The following ITGB1 variants were observed in gnomAD, a reference collection of about 807,000 sequenced individuals.
ITGB1 encodes the protein integrin subunit beta 1.
Under a neutral mutation model 86.5 loss-of-function variants are expected in ITGB1, and 24 were observed. The ratio of observed to expected loss-of-function variants is 0.28; its 90% CI spans 0.20 to 0.39. The LOEUF (loss-of-function observed/expected upper bound fraction) is 0.39, where lower values mean the gene tolerates loss of function less well. Ranked by LOEUF, ITGB1 falls within the 10% of genes least tolerant of loss-of-function variation. The probability of loss-of-function intolerance (pLI) is 1.00; values close to 1 mark genes in which losing one functional copy is unlikely to be tolerated. For synonymous variants in ITGB1, 323 were observed against 316.8 expected (o/e 1.02, Z -0.21); for missense variants, 556 against 946.9 (o/e 0.59, Z 5.42).
At chr10:32,943,865 C>A (rs536478587) in intron 1 of ITGB1, among the ~76,000 whole-genome samples, 2 of 152,170 alleles carry the variant, frequency 1.3e-5, no homozygotes, top group Non-Finnish European at 2.9e-5. Flanking sequence ...ATACTGAGTA[C>A]CTGGGGGCTT....
intron 11 of ITGB1, among the ~76,000 whole-genome samples, chr10:32,914,129 C>T (rs1404151384): frequency 2.0e-5 from 3 of 152,132 alleles, no homozygotes; most frequent in Non-Finnish European, 1.5e-5. Flanking sequence ...GATTGTGTCA[C>T]CACCAGGCCT....
Position 32,923,613 on chromosome 10 carries a change from T to A in ITGB1, c.914A>T (p.Asn305Ile). 6.2e-7 allele frequency: 1 copy of A among 1,613,702 alleles called. No homozygotes were observed. The highest frequency in any genetic ancestry group is 1.1e-5 in the South Asian group (1 of 91,026). Residue 305 changes from asparagine to isoleucine, a missense_variant, in exon 7 of 16, where the codon AAT becomes ATT. This residue lies in a region of ITGB1 where 330 missense variants were observed against 531.5 expected (regional missense o/e 0.62). Coordinates refer to ENST00000302278, the MANE Select transcript of ITGB1 (RefSeq NM_002211.4). The stretch of plus-strand genomic sequence containing the variant: ...ATAATGGCTCATTGTGTACATATTA[T>A]TTTCCAGGTGACATTGTCCATCATT... ...LPNDGQCHLE[N>I]NMYTMSHYYD...
Position 32,921,475 on chromosome 10 carries a change from C to G in ITGB1, c.1128+782G>C, listed in dbSNP as rs73251129. On this transcript the variant is annotated intron_variant, in intron 9 of 15. Transcript: ENST00000302278. ...CCTTTCCAAAGCGTTATGGTACCCCCATGACATGAAGTAAAAATGTCTAAA... is the reference window on the plus strand; with the variant it reads ...CCTTTCCAAAGCGTTATGGTACCCCGATGACATGAAGTAAAAATGTCTAAA... Among the ~76,000 whole-genome samples the G allele has an allele frequency of 9.8e-3, 1,496 of 152,222 alleles. 39 individuals carry two copies. Among genetic ancestry groups the G allele is most frequent in the African/African-American group, 0.034 (1,414 of 41,526 alleles).
chr10:32,905,723 A>C (rs961963167), intron 15 of ITGB1, among the ~76,000 whole-genome samples: 2 of 152,234 alleles, frequency 1.3e-5, no homozygotes, highest in Non-Finnish European at 2.9e-5. Context: ...CACTATGAAG[A>C]TTAAACACAG....
intron 1 of ITGB1, among the ~76,000 whole-genome samples, chr10:32,956,866 GCATCTA>G (rs1366739144): frequency 6.6e-6 from 1 of 152,144 alleles, no homozygotes; most frequent in Non-Finnish European, 1.5e-5. Context: ...TACTCATTGA[GCATCTA>G]CTCTCAAGCT....
chr10:32,916,224 G>A (rs1458470888), intron 11 of ITGB1, among the ~76,000 whole-genome samples: 1 of 152,142 alleles, frequency 6.6e-6, no homozygotes, highest in African/African-American at 2.4e-5. Context: ...GGCAAAAACT[G>A]GAAGCATTCC....
chr10:32,915,701 CCAGACGGATT>C (rs1324476965), intron 11 of ITGB1, among the ~76,000 whole-genome samples: 1 of 152,100 alleles, frequency 6.6e-6, no homozygotes, highest in Non-Finnish European at 1.5e-5. Flanking sequence ...AAGTCCAAGA[CCAGACGGATT>C]CACAGCCGAA....
At chr10:32,919,698 G>A (rs757690170) in intron 11 of ITGB1, among the ~76,000 whole-genome samples, 187 bp downstream of exon 11, 7 of 152,000 alleles carry the variant, frequency 4.6e-5, no homozygotes, top group Non-Finnish European at 1.0e-4. Context: ...AAGAAAAAAA[G>A]GCAGGAAGGA....
At chr10:32,935,684 A>C in intron 1 of ITGB1, 126 bp from the exon 2 acceptor site, 1 of 678,848 alleles carries the variant, frequency 1.5e-6, no homozygotes, top group Non-Finnish European at 2.5e-6. Flanking sequence ...AAACCATTTC[A>C]CTCCAGCCCC....
chr10:32,914,097 T>C (rs951093126), intron 11 of ITGB1, among the ~76,000 whole-genome samples: 3 of 152,174 alleles, frequency 2.0e-5, no homozygotes, highest in African/African-American at 7.2e-5. Flanking sequence ...TAAAATCCTT[T>C]ACAGACAAGC....
intron 1 of ITGB1, among the ~76,000 whole-genome samples, chr10:32,944,017 C>T (rs964263405): frequency 6.6e-6 from 1 of 152,196 alleles, no homozygotes; most frequent in Non-Finnish European, 1.5e-5. Context: ...AACTACAGTG[C>T]ACGTGCCCAG....
Position 32,910,264 on chromosome 10 carries a change from T to G in ITGB1, c.2123A>C (p.Asn708Thr). The stretch of plus-strand genomic sequence containing the variant: ...ATGAACCATGACCTCGTTGTTCCCA[T>G]TCACTGAATACGTAAAATAGAACCA... Reference protein sequence around the residue: ...DCWFYFTYSVNGNNEVMVHVV... With the variant: ...DCWFYFTYSVTGNNEVMVHVV... The change falls in exon 14 of 16, where the codon AAT becomes ACT. Residue 708 changes from asparagine to threonine, a missense_variant. By Grantham distance (65) the Asn-to-Thr change is moderately conservative. Transcript: ENST00000302278. 6.2e-7 allele frequency: 1 copy of G among 1,608,598 alleles called. No individual in the cohort carries two copies. Among genetic ancestry groups the G allele is most frequent in the Non-Finnish European group, 8.5e-7 (1 of 1,175,760 alleles).
At chr10:32,914,270 A>C (rs1251304539) in intron 11 of ITGB1, among the ~76,000 whole-genome samples, 1 of 152,194 alleles carries the variant, frequency 6.6e-6, no homozygotes, top group East Asian at 1.9e-4. Flanking sequence ...TGAGCAAAAT[A>C]ACCAGCTAAC....
rs199710966 is a variant in ITGB1 at position 32,912,032 on chromosome 10, C to G, written c.1562G>C (p.Ser521Thr). ...DMDAYCRKEN[S>T]SEICSNNGEC... is the part of the protein sequence containing the mutation. ...TCCATTGTTACTGCAGATTTCTGAA[C>G]TGTTTTCTTTCCTGCAGTAAGCATC... The change falls in exon 12 of 16, where the codon AGT becomes ACT. Residue 521 changes from serine to threonine, a missense_variant. Ser to Thr is a moderately conservative substitution (Grantham distance 58, BLOSUM62 1). Around this residue, in one of 4 missense-constraint regions of ITGB1, gnomAD observed 330 missense variants for 531.5 expected, o/e 0.62. Coordinates refer to ENST00000302278, the MANE Select transcript of ITGB1 (RefSeq NM_002211.4). 1.2e-6 allele frequency: 2 copies of G among 1,614,232 alleles called. No homozygotes were observed. The highest frequency in any genetic ancestry group is 1.7e-6 in the Non-Finnish European group (2 of 1,180,032).
In ITGB1 at chr10:32,938,598, G is replaced by A. The variant is rs1051629480; in HGVS notation, c.1-3040C>T. On this transcript the variant is annotated intron_variant, in intron 1 of 15. Coordinates refer to ENST00000302278, the MANE Select transcript of ITGB1 (RefSeq NM_002211.4). ...AACCTTCTGAAACCCTTGTGCCTCCGGAAGAGCTCCAAACCCGGAAGCAGG... is the reference window on the plus strand; with the variant it reads ...AACCTTCTGAAACCCTTGTGCCTCCAGAAGAGCTCCAAACCCGGAAGCAGG... Among the ~76,000 whole-genome samples the A allele has an allele frequency of 3.3e-5, 5 of 152,292 alleles. No individual in the cohort carries two copies. The East Asian group carries it at 5.8e-4, about 18-fold the overall frequency.
chr10:32,942,402 T>C (rs938944485), intron 1 of ITGB1, among the ~76,000 whole-genome samples: 9 of 152,176 alleles, frequency 5.9e-5, no homozygotes, highest in East Asian at 1.9e-4. Context: ...CCACCAGGTA[T>C]TGGACACCCT....
intron 15 of ITGB1, among the ~76,000 whole-genome samples, chr10:32,902,193 T>C (rs1407557333): frequency 1.3e-5 from 2 of 152,198 alleles, no homozygotes; most frequent in Non-Finnish European, 2.9e-5. Flanking sequence ...CAAATTTGCT[T>C]AGAATGTTAG....
At chr10:32,930,658 TAGTA>T (rs1192808413) in intron 3 of ITGB1, among the ~76,000 whole-genome samples, 1 of 152,044 alleles carries the variant, frequency 6.6e-6, no homozygotes, top group African/African-American at 2.4e-5. Flanking sequence ...AAAAGCAAAA[TAGTA>T]AGTATATGAC....
chr10:32,923,922 C>A (rs2094957354), intron 6 of ITGB1, among the ~76,000 whole-genome samples, 182 bp from the exon 7 acceptor site: 1 of 152,206 alleles, frequency 6.6e-6, no homozygotes, highest in African/African-American at 2.4e-5. Flanking sequence ...TGAAGCTCTT[C>A]CATCCCATGT....
Sources: allele counts gnomAD v4.1 joint callset (sites outside exome capture counted in the v4.1 genomes callset), GRCh38; gene constraint gnomAD v4.1.1; regional missense constraint gnomAD v4.1.1; transcripts MANE v1.5; gene names NCBI Gene and HGNC (gene_info 2026-07-23, HGNC 2026-07-21).